The following AKAP6 variants were observed in gnomAD, a reference collection of about 807,000 sequenced individuals.
AKAP6 encodes A-kinase anchoring protein 6.
AKAP6 carries 58 observed loss-of-function variants against 188.5 expected under a neutral mutation model. The observed-to-expected ratio is 0.31, with a 90% confidence interval of 0.25 to 0.38. AKAP6 has a LOEUF of 0.38. Among genes scored for constraint, AKAP6 ranks in the 10% least tolerant of loss-of-function variants. AKAP6 has a pLI of 1.00. For missense variants in AKAP6, 2,710 were observed against 2,740.0 expected (o/e 0.99, Z 0.24); for synonymous variants, 989 against 998.6 (o/e 0.99, Z 0.18).
chr14:32,352,134 T>TGTGTGTGA (rs1566458785), intron 1 of AKAP6, among the ~76,000 whole-genome samples: 1 of 142,582 alleles, frequency 7.0e-6, no homozygotes, highest in African/African-American at 2.6e-5. Context: ...TGTGTGTGTG[T>TGTGTGTGA]GAAGGGGGTG....
chr14:32,636,880 C>T (rs574934085), intron 7 of AKAP6, among the ~76,000 whole-genome samples: 36 of 152,100 alleles, frequency 2.4e-4, no homozygotes, highest in African/African-American at 8.2e-4. Flanking sequence ...CAGGGGGTGG[C>T]ATGATCAGCT....
chr14:32,398,373 A>G (rs1021007748), intron 1 of AKAP6, among the ~76,000 whole-genome samples: 3 of 152,198 alleles, frequency 2.0e-5, no homozygotes, highest in Non-Finnish European at 4.4e-5. Context: ...GGGTCAGACA[A>G]GGGCTTCTTG....
At chr14:32,527,055 T>C (rs921101058) in intron 2 of AKAP6, among the ~76,000 whole-genome samples, 4 of 152,220 alleles carry the variant, frequency 2.6e-5, no homozygotes, top group African/African-American at 9.7e-5. Context: ...ATTATGTGTA[T>C]CCACCTTTAT....
At chr14:32,690,096 C>T (rs919568495) in intron 8 of AKAP6, among the ~76,000 whole-genome samples, 26 of 151,418 alleles carry the variant, frequency 1.7e-4, no homozygotes, top group Non-Finnish European at 3.2e-4. Context: ...CACACACACA[C>T]ACACACACAC....
intron 4 of AKAP6, among the ~76,000 whole-genome samples, chr14:32,572,167 T>C (rs1254741287): frequency 6.6e-6 from 1 of 152,164 alleles, no homozygotes; most frequent in East Asian, 1.9e-4. Flanking sequence ...GTGGGAGGAA[T>C]AGACTTTGGA....
intron 2 of AKAP6, among the ~76,000 whole-genome samples, chr14:32,527,860 A>G (rs998571139): frequency 1.3e-5 from 2 of 152,150 alleles, no homozygotes; most frequent in African/African-American, 2.4e-5. Flanking sequence ...ATGATCCTTC[A>G]TAAGTCTTTT....
intron 1 of AKAP6, among the ~76,000 whole-genome samples, chr14:32,414,199 G>T (rs981702727): frequency 6.6e-6 from 1 of 151,976 alleles, no homozygotes; most frequent in East Asian, 1.9e-4. Context: ...ATTTCATAAG[G>T]TCTAGAATCA....
chr14:32,787,062 C>T (rs1255283994), intron 12 of AKAP6, among the ~76,000 whole-genome samples: 2 of 152,122 alleles, frequency 1.3e-5, no homozygotes, highest in Non-Finnish European at 2.9e-5. Flanking sequence ...GTAAAACACC[C>T]AAAGGATTCA....
At chr14:32,599,873 A>T (rs543361809) in intron 6 of AKAP6, among the ~76,000 whole-genome samples, 2 of 152,328 alleles carry the variant, frequency 1.3e-5, no homozygotes, top group African/African-American at 4.8e-5. Flanking sequence ...GCATTAGGGT[A>T]CTTATAGATA....
chr14:32,501,254 G>T (rs1450874944), intron 2 of AKAP6, among the ~76,000 whole-genome samples: 1 of 152,000 alleles, frequency 6.6e-6, no homozygotes, highest in East Asian at 1.9e-4. Context: ...TGCACACAAA[G>T]TTTTTGAAAT....
At chr14:32,742,798 T>A (rs1460630656) in intron 11 of AKAP6, among the ~76,000 whole-genome samples, 1 of 152,152 alleles carries the variant, frequency 6.6e-6, no homozygotes. Flanking sequence ...ATATGGTCTA[T>A]CCTTGAGAAT....
intron 1 of AKAP6, among the ~76,000 whole-genome samples, chr14:32,424,701 T>TGTCC (rs1373556470): frequency 2.6e-5 from 4 of 152,180 alleles, no homozygotes; most frequent in Non-Finnish European, 5.9e-5. Flanking sequence ...CATCTCAGTG[T>TGTCC]GTCCATGTGT....
chr14:32,528,759 C>T (rs1351560418), intron 2 of AKAP6, among the ~76,000 whole-genome samples: 1 of 152,070 alleles, frequency 6.6e-6, no homozygotes, highest in African/African-American at 2.4e-5. Flanking sequence ...CTCACTGCAA[C>T]CTCTGCCTCT....
chr14:32,651,598 C>T (rs1888230367), intron 7 of AKAP6, among the ~76,000 whole-genome samples: 2 of 152,114 alleles, frequency 1.3e-5, no homozygotes, highest in Admixed American at 1.3e-4. Flanking sequence ...GCTACATTCT[C>T]CAGAGAGGGT....
intron 13 of AKAP6, among the ~76,000 whole-genome samples, chr14:32,828,153 C>G (rs867396038): frequency 2.6e-5 from 4 of 152,086 alleles, no homozygotes; most frequent in African/African-American, 9.7e-5. Flanking sequence ...TGCTCAAGTA[C>G]GCACATAAAG....
intron 12 of AKAP6, among the ~76,000 whole-genome samples, chr14:32,784,823 A>G (rs2033353898): frequency 6.6e-6 from 1 of 152,160 alleles, no homozygotes; most frequent in Non-Finnish European, 1.5e-5. Flanking sequence ...AAGTTCTTTT[A>G]GTTCTTAAAG....
In AKAP6 at chr14:32,836,676, T is replaced by C. The variant is rs144941807; in HGVS notation, c.*6871T>C. ...TCAAAAAAGTATTCCAAAATTTTGG[T>C]ACTCTATTATGGGTTACAAACCCCT... On this transcript the variant is annotated 3_prime_UTR_variant, in exon 14 of 14. Coordinates refer to ENST00000280979, the MANE Select transcript of AKAP6 (RefSeq NM_004274.5). 1.1e-4 allele frequency: 16 copies of C among 152,264 alleles called. No individual in the cohort carries two copies. The highest frequency in any genetic ancestry group is 3.9e-4 in the African/African-American group (16 of 41,550). The allele number at this position is 152,264 out of a possible 1,614,324, so 9.4% of individuals were successfully genotyped here.
At chr14:32,483,594 C>T (rs779308930) in intron 2 of AKAP6, among the ~76,000 whole-genome samples, 67 of 152,238 alleles carry the variant, frequency 4.4e-4, no homozygotes, top group African/African-American at 1.3e-3. Context: ...AAGCAATTCT[C>T]CTGCCTCAGC....
At chr14:32,454,708 CTT>C (rs1891073883) in intron 2 of AKAP6, among the ~76,000 whole-genome samples, 1 of 40,822 alleles carries the variant, frequency 2.4e-5, no homozygotes, top group African/African-American at 6.9e-5. Flanking sequence ...TCCCTCCCTC[CTT>C]CCCTCCTTCT....
Sources: allele counts gnomAD v4.1 joint callset (sites outside exome capture counted in the v4.1 genomes callset), GRCh38; gene constraint gnomAD v4.1.1; transcripts MANE v1.5; gene names NCBI Gene and HGNC (gene_info 2026-07-23, HGNC 2026-07-21).